SOX6: variants seen among roughly 807,000 people sequenced by gnomAD.
SOX6 encodes SRY-box transcription factor 6.
SOX6 carries 11 observed loss-of-function variants against 97.8 expected under a neutral mutation model. The observed-to-expected ratio is 0.11, with a 90% CI of 0.07 to 0.19. The LOEUF (loss-of-function observed/expected upper bound fraction) is 0.19. Ranked by LOEUF, SOX6 falls within the 10% of genes least tolerant of loss-of-function variation. SOX6 has a pLI of 1.00. For missense variants in SOX6, 810 were observed against 1,039.5 expected, an observed-to-expected ratio of 0.78 and a Z score of 3.04; for synonymous variants, 360 against 371.4, an observed-to-expected ratio of 0.97 and a Z score of 0.35.
chr11:16,683,919 G>A, intron 3 of SOX6, among the ~76,000 whole-genome samples: 1 of 152,058 alleles, frequency 6.6e-6, no homozygotes. Context: ...TCAAAAAGTG[G>A]GCAAAAGATA....
intron 4 of SOX6, among the ~76,000 whole-genome samples, chr11:16,596,701 A>T (rs141440309): frequency 1.3e-5 from 2 of 152,306 alleles, no homozygotes; most frequent in African/African-American, 2.4e-5. Flanking sequence ...TCATCTTTGA[A>T]ATTATGTAAT....
intron 4 of SOX6, among the ~76,000 whole-genome samples, chr11:16,188,668 C>T (rs1851547937): frequency 6.6e-6 from 1 of 152,098 alleles, no homozygotes; most frequent in South Asian, 2.1e-4. Flanking sequence ...TAAACATTTT[C>T]TGAATTGCCA....
intron 6 of SOX6, among the ~76,000 whole-genome samples, chr11:16,149,623 T>C (rs1850407221): frequency 6.6e-6 from 1 of 152,130 alleles, no homozygotes; most frequent in African/African-American, 2.4e-5. Context: ...GGGAAAACAC[T>C]TCTTTGGTTG....
At chr11:16,129,478 G>A (rs1014992005) in intron 6 of SOX6, among the ~76,000 whole-genome samples, 1 of 151,964 alleles carries the variant, frequency 6.6e-6, no homozygotes, top group African/African-American at 2.4e-5. Flanking sequence ...GCTTTACAAA[G>A]ATAGCTTTTA....
At chr11:16,645,262 C>T (rs1848995612) in intron 3 of SOX6, among the ~76,000 whole-genome samples, 1 of 152,202 alleles carries the variant, frequency 6.6e-6, no homozygotes, top group South Asian at 2.1e-4. Context: ...TTGCACAAAT[C>T]GCAAGTTCAC....
chr11:16,329,457 CTTGAA>C (rs1237901633), intron 2 of SOX6, among the ~76,000 whole-genome samples: 4 of 152,164 alleles, frequency 2.6e-5, no homozygotes, highest in Non-Finnish European at 4.4e-5. Context: ...CCATCTAGCA[CTTGAA>C]TTCCCTGTGC....
intron 3 of SOX6, among the ~76,000 whole-genome samples, chr11:16,304,992 T>C (rs1855380889): frequency 6.6e-6 from 1 of 151,976 alleles, no homozygotes; most frequent in African/African-American, 2.4e-5. Context: ...GGAGAAAATA[T>C]TTAGAATCTA....
intron 13 of SOX6, among the ~76,000 whole-genome samples, chr11:15,996,013 A>C (rs1854211680): frequency 6.6e-6 from 1 of 152,182 alleles, no homozygotes; most frequent in South Asian, 2.1e-4. Context: ...TAAAAACCAG[A>C]TATACAGAAA....
At chr11:16,101,686 TC>T (rs1848950503) in intron 7 of SOX6, among the ~76,000 whole-genome samples, 2 of 151,452 alleles carry the variant, frequency 1.3e-5, no homozygotes, top group African/African-American at 4.8e-5. Flanking sequence ...ATTTAAAAAA[TC>T]CTCAGTTTCA....
chr11:16,298,406 TTA>T (rs1303229030), intron 3 of SOX6, among the ~76,000 whole-genome samples: 1 of 152,166 alleles, frequency 6.6e-6, no homozygotes, highest in Non-Finnish European at 1.5e-5. Flanking sequence ...TTGTCTAAAT[TTA>T]TGTGTTTTTT....
At chr11:15,992,595 T>C (rs1840251106) in intron 13 of SOX6, among the ~76,000 whole-genome samples, 1 of 152,148 alleles carries the variant, frequency 6.6e-6, no homozygotes, top group African/African-American at 2.4e-5. Context: ...ATAAAAATGG[T>C]CTCACCTTTG....
At chr11:16,110,978 T>A (rs985568770) in intron 7 of SOX6, among the ~76,000 whole-genome samples, 1 of 152,200 alleles carries the variant, frequency 6.6e-6, no homozygotes, top group Non-Finnish European at 1.5e-5. Context: ...GACACAGAAA[T>A]TATTAATGAG....
At chr11:16,084,670 C>T (rs1222644468) in intron 9 of SOX6, among the ~76,000 whole-genome samples, 1 of 152,140 alleles carries the variant, frequency 6.6e-6, no homozygotes, top group Non-Finnish European at 1.5e-5. Flanking sequence ...CCTGGAACCT[C>T]TAATCCATTC....
At chr11:16,701,041 T>C (rs528395404) in intron 3 of SOX6, among the ~76,000 whole-genome samples, 2 of 152,338 alleles carry the variant, frequency 1.3e-5, no homozygotes, top group East Asian at 1.9e-4. Context: ...AAACAGTCCA[T>C]GGAATTTTCT....
chr11:16,027,321 T>C (rs552887800), intron 12 of SOX6, among the ~76,000 whole-genome samples: 16 of 152,200 alleles, frequency 1.1e-4, no homozygotes, highest in Non-Finnish European at 2.2e-4. Context: ...TGGAGAAGTA[T>C]ATATTAACAA....
chr11:16,299,035 C>T (rs1382198906), intron 3 of SOX6, among the ~76,000 whole-genome samples: 1 of 152,006 alleles, frequency 6.6e-6, no homozygotes, highest in African/African-American at 2.4e-5. Flanking sequence ...TATTGTGTTA[C>T]TTATTTAGTT....
At position 15,969,506 on chromosome 11, in the gene SOX6, G is replaced by A. The variant is rs546122415; in HGVS notation, c.*3303C>T. On this transcript the variant is annotated 3_prime_UTR_variant, in exon 16 of 16. Transcript: ENST00000683767. ...GGTTCTGAACTGCATGAGAACCCTG[G>A]TGAAACGTTTTGCTGTCCCAGCTGC... 1.3e-5 allele frequency: 2 copies of A among 152,198 alleles called. No homozygotes were observed. Among genetic ancestry groups the A allele is most frequent in the African/African-American group, 4.8e-5 (2 of 41,532 alleles). The allele number at this position is 152,198 out of a possible 1,614,324, so 9.4% of individuals were successfully genotyped here.
intron 4 of SOX6, among the ~76,000 whole-genome samples, chr11:16,223,813 A>G (rs1852611122): frequency 6.6e-6 from 1 of 152,110 alleles, no homozygotes; most frequent in Non-Finnish European, 1.5e-5. Flanking sequence ...CTTAAAATCT[A>G]GGCTTCAATT....
chr11:16,635,741 C>G (rs541187210), intron 3 of SOX6, among the ~76,000 whole-genome samples: 123 of 152,260 alleles, frequency 8.1e-4, no homozygotes, highest in Non-Finnish European at 1.4e-3. Flanking sequence ...TCCAGGGCCC[C>G]CCTCTTGTGT....
Sources: allele counts gnomAD v4.1 joint callset (sites outside exome capture counted in the v4.1 genomes callset), GRCh38; gene constraint gnomAD v4.1.1; transcripts MANE v1.5; gene names NCBI Gene and HGNC (gene_info 2026-07-23, HGNC 2026-07-21).